The following CNTN4 variants were observed in gnomAD, a reference collection of about 807,000 sequenced individuals.
CNTN4 encodes the protein contactin 4.
In CNTN4, 77 loss-of-function variants were observed where a neutral mutation model predicts 122.5. The observed-to-expected ratio is 0.63, with a 90% CI of 0.52 to 0.76. The LOEUF (loss-of-function observed/expected upper bound fraction) is 0.76. Ranked by LOEUF, CNTN4 falls within the 30% of genes least tolerant of loss-of-function variation. The probability of loss-of-function intolerance (pLI) is 0.00; values close to 1 mark genes in which losing one functional copy is unlikely to be tolerated. For synonymous variants in CNTN4, 512 were observed against 447.0 expected (o/e 1.15, Z -1.83); for missense variants, 1,256 against 1,259.1 (o/e 1.00, Z 0.04).
intron 2 of CNTN4, among the ~76,000 whole-genome samples, chr3:2,129,940 A>G (rs558433942): frequency 3.9e-4 from 59 of 152,170 alleles, no homozygotes; most frequent in African/African-American, 1.3e-3. Context: ...CAAAACTGGC[A>G]TTGTAAGTAA....
At chr3:2,798,770 C>T (rs183351349) in intron 6 of CNTN4, among the ~76,000 whole-genome samples, 1 of 152,182 alleles carries the variant, frequency 6.6e-6, no homozygotes, top group African/African-American at 2.4e-5. Flanking sequence ...CTCAACCTCA[C>T]AAACTGCTGG....
chr3:2,821,891 G>A (rs764991586), intron 7 of CNTN4, among the ~76,000 whole-genome samples: 1 of 152,114 alleles, frequency 6.6e-6, no homozygotes, highest in Non-Finnish European at 1.5e-5. Context: ...TTTTAGATTT[G>A]GAATTTGAAA....
chr3:2,776,594 T>A (rs1047047266), intron 6 of CNTN4, among the ~76,000 whole-genome samples: 1 of 152,172 alleles, frequency 6.6e-6, no homozygotes, highest in Non-Finnish European at 1.5e-5. Flanking sequence ...TGACATGCCC[T>A]CTACTCTTGG....
intron 2 of CNTN4, among the ~76,000 whole-genome samples, chr3:2,176,372 A>G (rs929193808): frequency 2.0e-5 from 3 of 152,152 alleles, no homozygotes; most frequent in South Asian, 2.1e-4. Flanking sequence ...GAGTGGTACT[A>G]TGATTGTTTT....
chr3:2,188,136 A>G (rs1024807859), intron 2 of CNTN4, among the ~76,000 whole-genome samples: 1 of 152,044 alleles, frequency 6.6e-6, no homozygotes, highest in Non-Finnish European at 1.5e-5. Flanking sequence ...CCTAGGCAGA[A>G]TTTTCTGCAT....
intron 13 of CNTN4, among the ~76,000 whole-genome samples, chr3:2,967,360 A>C (rs181493174): frequency 1.3e-5 from 2 of 152,258 alleles, no homozygotes; most frequent in African/African-American, 4.8e-5. Flanking sequence ...TATTATCCCC[A>C]AGAGCAGTTT....
intron 2 of CNTN4, among the ~76,000 whole-genome samples, chr3:2,232,821 C>G (rs941345004): frequency 6.6e-6 from 1 of 152,078 alleles, no homozygotes; most frequent in African/African-American, 2.4e-5. Context: ...CACTCTCTAC[C>G]TCTACATAAT....
In CNTN4 at chr3:2,335,573, A is replaced by C. The variant is rs2043918795; in HGVS notation, c.-144-3605A>C. ...AGCAGCACAAAAGCGGCCCAGAAAA[A>C]AATTCTGTGGGTTTTTTTTTTTTTT... On this transcript the variant is annotated intron_variant, in intron 2 of 24. Coordinates refer to ENST00000418658, the MANE Select transcript of CNTN4 (RefSeq NM_175607.3). Among the ~76,000 whole-genome samples the C allele has an allele frequency of 3.3e-5, 4 of 122,748 alleles. No homozygotes were observed. In the Admixed American group the frequency reaches 4.0e-4, roughly 12 times the overall value. The allele number at this position is 122,748 out of a possible 152,430, so 80.5% of individuals were successfully genotyped here. A position where few individuals can be genotyped will look rare whatever the true frequency, so the allele number is the denominator to read the frequency against.
Position 2,437,858 on chromosome 3 carries a change from G to A in CNTN4, c.-89+98625G>A, listed in dbSNP as rs145820976. The stretch of plus-strand genomic sequence containing the variant: ...TGAGGGAGAGTTCGTGTAGATGTCT[G>A]GGGGTAATGGCTTGCCTACTTTACC... On this transcript the variant is annotated intron_variant, in intron 3 of 24. Coordinates refer to ENST00000418658, the MANE Select transcript of CNTN4 (RefSeq NM_175607.3). 3.8e-3 allele frequency among the ~76,000 whole-genome samples: 571 copies of A among 152,202 alleles called. 4 individuals are homozygous for A. The highest frequency in any genetic ancestry group is 0.017 in the Middle Eastern group (5 of 294).
Position 2,911,503 on chromosome 3 carries a change from C to T in CNTN4, c.1207+8498C>T, listed in dbSNP as rs532521713. On this transcript the variant is annotated intron_variant, in intron 12 of 24. Coordinates refer to ENST00000418658, the MANE Select transcript of CNTN4 (RefSeq NM_175607.3). Reference sequence around the variant, plus strand: ...GTCTGATTTTTTAAATGCCAGAATTCCAGCAGAAGATAATAAAGCACACAA... The same window carrying T: ...GTCTGATTTTTTAAATGCCAGAATTTCAGCAGAAGATAATAAAGCACACAA... Among the ~76,000 whole-genome samples, 7 of 152,212 alleles carry T rather than the reference C, an allele frequency of 4.6e-5. No individual in the cohort carries two copies. In the South Asian group the frequency reaches 1.5e-3, roughly 32 times the overall value.
At chr3:2,602,425 C>G (rs1459484342) in intron 4 of CNTN4, among the ~76,000 whole-genome samples, 1 of 152,138 alleles carries the variant, frequency 6.6e-6, no homozygotes, top group Non-Finnish European at 1.5e-5. Flanking sequence ...GTGCAAAAAT[C>G]ACAAGCATTC....
intron 8 of CNTN4, among the ~76,000 whole-genome samples, chr3:2,869,332 G>C (rs1029157302): frequency 6.6e-6 from 1 of 152,072 alleles, no homozygotes; most frequent in African/African-American, 2.4e-5. Context: ...GGTGAAACTA[G>C]GGGGTAACAG....
At chr3:2,672,537 G>T (rs950126164) in intron 4 of CNTN4, among the ~76,000 whole-genome samples, 1 of 152,172 alleles carries the variant, frequency 6.6e-6, no homozygotes, top group Non-Finnish European at 1.5e-5. Flanking sequence ...CTAGGAAAGG[G>T]AATTCCCTGA....
At chr3:2,817,701 C>CT (rs1162300976) in intron 6 of CNTN4, among the ~76,000 whole-genome samples, 3 of 152,146 alleles carry the variant, frequency 2.0e-5, no homozygotes, top group African/African-American at 7.2e-5. Flanking sequence ...CCTATCAGCT[C>CT]TTAATTTTTC....
chr3:2,669,424 G>A (rs554843110), intron 4 of CNTN4, among the ~76,000 whole-genome samples: 2 of 152,264 alleles, frequency 1.3e-5, no homozygotes, highest in African/African-American at 4.8e-5. Context: ...ATTTCTGTGG[G>A]ATCAGTGGTG....
At chr3:2,949,476 T>G (rs958925068) in intron 13 of CNTN4, among the ~76,000 whole-genome samples, 12 of 152,212 alleles carry the variant, frequency 7.9e-5, no homozygotes, top group Non-Finnish European at 1.5e-4. Flanking sequence ...CCTTCCTTGC[T>G]TTTTTCAGTG....
intron 12 of CNTN4, among the ~76,000 whole-genome samples, chr3:2,908,086 C>A (rs928147128): frequency 2.6e-5 from 4 of 152,232 alleles, no homozygotes; most frequent in African/African-American, 9.6e-5. Flanking sequence ...TGTGGACATC[C>A]CTGAGGTGCT....
Position 2,895,878 on chromosome 3 carries a change from C to CAA in CNTN4, c.941-4803_941-4802dup, listed in dbSNP as rs1289718977. Among the ~76,000 whole-genome samples, 19 of 152,126 alleles carry CAA rather than the reference C, an allele frequency of 1.2e-4. No homozygotes were observed. In the East Asian group the frequency reaches 3.7e-3, roughly 29 times the overall value. On this transcript the variant is annotated intron_variant, in intron 10 of 24. Transcript: ENST00000418658. ...TGAAACCCCGTCTCTACTAAAAATA[C>CAA]AAAAATTAGCCGAGCGTGGTGGCGG...
At chr3:2,469,739 G>T (rs1399013013) in intron 3 of CNTN4, among the ~76,000 whole-genome samples, 2 of 152,126 alleles carry the variant, frequency 1.3e-5, no homozygotes, top group African/African-American at 4.8e-5. Flanking sequence ...TTGATCCATT[G>T]TTTCATATAT....
Sources: gnomAD v4.1 joint callset for allele counts (sites outside exome capture counted in the v4.1 genomes callset) on GRCh38, gnomAD v4.1.1 for gene constraint, MANE v1.5 for transcripts, NCBI Gene and HGNC (gene_info 2026-07-23, HGNC 2026-07-21) for gene names.